GTPBP8: variants seen among roughly 807,000 people sequenced by gnomAD.
GTPBP8 encodes GTP binding protein 8.
Under a neutral mutation model 27.3 loss-of-function variants are expected in GTPBP8, and 21 were observed. The ratio of observed to expected loss-of-function variants is 0.77; its 90% CI spans 0.55 to 1.11. The LOEUF (loss-of-function observed/expected upper bound fraction) is 1.11, where lower values mean the gene tolerates loss of function less well. Among genes scored for constraint, GTPBP8 ranks in the 50% least tolerant of loss-of-function variants. The probability of loss-of-function intolerance (pLI) is 0.00; values close to 1 mark genes in which losing one functional copy is unlikely to be tolerated. For synonymous variants in GTPBP8, 147 were observed against 135.3 expected, an observed-to-expected ratio of 1.09 and a Z score of -0.60; for missense variants, 380 against 350.8, an observed-to-expected ratio of 1.08 and a Z score of -0.67.
chr3:112,997,088 C>A, intron 4 of GTPBP8, 97 bp downstream of exon 4: 1 of 656,738 alleles, frequency 1.5e-6, no homozygotes, highest in East Asian at 3.0e-5. Flanking sequence ...CTTGTGTTGC[C>A]TCAAAAGATA....
At chr3:112,996,670 T>A (rs930313780) in intron 3 of GTPBP8, among the ~76,000 whole-genome samples, 5 of 152,322 alleles carry the variant, frequency 3.3e-5, no homozygotes, top group Admixed American at 3.3e-4. Context: ...TGATTTAAAT[T>A]AATATTTAGT....
chr3:112,999,554 T>C lies in GTPBP8; in HGVS notation c.775T>C (p.Phe259Leu), dbSNP rs752164333. ...AACTCAAGGATGTTTTCCTCAGTTG[T>C]TTCCTGTAAGGTAAGAGTTGAATTG... ...MKTQGCFPQL[F>L]PVSAVTFSGI... is the part of the protein sequence containing the mutation. Residue 259 changes from phenylalanine (F) to leucine (L), a missense_variant, in exon 5 of 6, where the codon TTT (phenylalanine) becomes CTT (leucine). Coordinates refer to ENST00000383678, the MANE Select transcript of GTPBP8 (RefSeq NM_014170.4). 3.8e-6 allele frequency: 5 copies of C among 1,304,838 alleles called. No individual in the cohort carries two copies. In the Middle Eastern group the frequency reaches 7.6e-4, roughly 197 times the overall value. 80.8% of individuals were successfully genotyped at this position (1,304,838 alleles called of 1,614,324 possible). A position where few individuals can be genotyped will look rare whatever the true frequency, so the allele number is the denominator to read the frequency against.
rs755758008 is a variant in GTPBP8, at chr3:112,991,325, C to T, written c.326C>T (p.Pro109Leu). 6.2e-7 allele frequency: 1 copy of T among 1,613,590 alleles called. No homozygotes were observed. The highest frequency in any genetic ancestry group is 8.5e-7 in the Non-Finnish European group (1 of 1,180,010). Reference sequence around the variant, plus strand: ...CGTATCGACCACGCCCCGGACCTTCCGCGGCCAGAGGTGAGAGGCGATTCT... The same window carrying T: ...CGTATCGACCACGCCCCGGACCTTCTGCGGCCAGAGGTGAGAGGCGATTCT... The part of the protein sequence containing the change: ...AVRIDHAPDL[P>L]RPEVCFIGRS... The change falls in exon 1 of 6, where the codon CCG (proline) becomes CTG (leucine). Residue 109 changes from proline (P) to leucine (L), a missense_variant. Pro to Leu is a moderately conservative substitution (Grantham distance 98). Transcript: ENST00000383678.
intron 1 of GTPBP8, chr3:112,991,548 A>G (rs1459445926): frequency 4.3e-6 from 3 of 698,634 alleles, no homozygotes; most frequent in Middle Eastern, 2.3e-4. Context: ...GTCAATACCC[A>G]TAAACCCATG....
chr3:112,998,464 GGAAACCTACCTGT>G (rs1386954399), intron 4 of GTPBP8, among the ~76,000 whole-genome samples: 1 of 152,010 alleles, frequency 6.6e-6, no homozygotes, highest in Non-Finnish European at 1.5e-5. Flanking sequence ...GCCACCCTTT[GGAAACCTACCTGT>G]GTTCAGCTAT....
rs377275406 is a variant in GTPBP8 at position 112,999,439 on chromosome 3, C to G, written c.667-7C>G. ...TTTCTAATGCATAAAAATTTGTTTT[C>G]TTATAGATTGTATTAACAAAAATTG... On this transcript the variant is annotated splice_polypyrimidine_tract_variant and splice_region_variant and intron_variant, in intron 4 of 5. Transcript: ENST00000383678. The G allele has an allele frequency of 4.5e-6, 5 of 1,108,750 alleles. No individual in the cohort carries two copies. In the African/African-American group the frequency reaches 7.9e-5, roughly 18 times the overall value. The allele number at this position is 1,108,750 out of a possible 1,614,324, so 68.7% of individuals were successfully genotyped here.
chr3:112,991,519 T>C, intron 1 of GTPBP8, 184 bp downstream of exon 1: 1 of 714,634 alleles, frequency 1.4e-6, no homozygotes, highest in Non-Finnish European at 2.5e-6. Context: ...GAGAAACCCA[T>C]TGTTAAGTAC....
At chr3:112,991,377 C>G in intron 1 of GTPBP8, 42 bp downstream of exon 1, 1 of 1,568,092 alleles carries the variant, frequency 6.4e-7, no homozygotes, top group Non-Finnish European at 8.8e-7. Flanking sequence ...GCCGGCGTCA[C>G]AGCGCTAACC....
intron 2 of GTPBP8, among the ~76,000 whole-genome samples, chr3:112,993,575 C>A (rs1167910533): frequency 2.0e-5 from 3 of 152,154 alleles, no homozygotes; most frequent in African/African-American, 7.2e-5. Context: ...AGCCAGTCTG[C>A]TGTAATAGCT....
intron 4 of GTPBP8, among the ~76,000 whole-genome samples, chr3:112,997,313 A>G (rs1933805418): frequency 6.6e-6 from 1 of 152,226 alleles, no homozygotes; most frequent in Non-Finnish European, 1.5e-5. Context: ...AGAAAAAGTT[A>G]GTAGCTCTTT....
chr3:112,999,602 A>C lies in GTPBP8; in HGVS notation c.785+38A>C, dbSNP rs371401969. ...TTGTTTTGTTTTTTGTTTTTTATGA[A>C]GTAATCTTGAGAATGTTGTGGGTTT... On this transcript the variant is annotated intron_variant, in intron 5 of 5. Coordinates refer to ENST00000383678, the MANE Select transcript of GTPBP8 (RefSeq NM_014170.4). The C allele has an allele frequency of 1.1e-4, 86 of 806,498 alleles. No individual in the cohort carries two copies. The African/African-American group carries it at 1.4e-3, about 13-fold the overall frequency. The allele number at this position is 806,498 out of a possible 1,614,324, so 50.0% of individuals were successfully genotyped here.
intron 2 of GTPBP8, 106 bp downstream of exon 2, chr3:112,993,230 A>C: frequency 1.6e-6 from 1 of 640,774 alleles, no homozygotes; most frequent in Admixed American, 2.9e-5. Context: ...TTCCTAGAGA[A>C]GTGATTTCTT....
chr3:112,991,431 T>C (rs761975797), intron 1 of GTPBP8, 96 bp downstream of exon 1: 7 of 1,087,542 alleles, frequency 6.4e-6, no homozygotes, highest in Non-Finnish European at 9.8e-6. Flanking sequence ...GCGGTTGTAT[T>C]TTCTAGCTTT....
At position 113,001,074 on chromosome 3, in the gene GTPBP8, A is replaced by G. The variant is rs1024355252; in HGVS notation, c.*155A>G. 3 of 561,026 alleles carry G rather than the reference A, an allele frequency of 5.3e-6. No homozygotes were observed. The highest frequency in any genetic ancestry group is 9.4e-6 in the Non-Finnish European group (3 of 318,728). 34.8% of individuals were successfully genotyped at this position (561,026 alleles called of 1,614,324 possible). On this transcript the variant is annotated 3_prime_UTR_variant, in exon 6 of 6. Coordinates refer to ENST00000383678, the MANE Select transcript of GTPBP8 (RefSeq NM_014170.4). ...GCTTTAAAACCTGTGCCTTCTCGAA[A>G]CAAGAATTTGTGCCTGAGGTGAAAA...
chr3:112,996,799 C>A, intron 3 of GTPBP8, 93 bp from the exon 4 acceptor site: 1 of 668,922 alleles, frequency 1.5e-6, no homozygotes, highest in East Asian at 2.8e-5. Context: ...GAGAATTATT[C>A]AAAGAAGAAT....
chr3:112,994,338 G>A (rs1194326416), intron 2 of GTPBP8, among the ~76,000 whole-genome samples: 4 of 151,388 alleles, frequency 2.6e-5, no homozygotes, highest in Non-Finnish European at 1.5e-5. Flanking sequence ...CAAGAGAATC[G>A]CTTGAACCCA....
chr3:112,996,993 T>C lies in GTPBP8; in HGVS notation c.666+2T>C, dbSNP rs559803137. ...GAAGAATTTGCATTACCTTATGTGG[T>C]AAGTACTTCCTTTGAATCATGGTTG... On this transcript the variant is annotated splice_donor_variant, in intron 4 of 5. Transcript: ENST00000383678. LOFTEE classifies it high-confidence loss of function. The C allele has an allele frequency of 1.5e-6, 2 of 1,323,670 alleles. No homozygotes were observed. The highest frequency in any genetic ancestry group is 2.2e-6 in the Non-Finnish European group (2 of 917,448). The allele number at this position is 1,323,670 out of a possible 1,614,324, so 82.0% of individuals were successfully genotyped here.
intron 2 of GTPBP8, among the ~76,000 whole-genome samples, chr3:112,993,449 G>A (rs1050997824): frequency 3.9e-5 from 6 of 152,030 alleles, no homozygotes; most frequent in South Asian, 2.1e-4. Context: ...CTGATTGTAC[G>A]GTAAATGGCT....
In GTPBP8 at chr3:112,993,137, T is replaced by C; in HGVS notation, c.435+13T>C. ...CTCCAAAAAACCAGTATGTTGAAGT[T>C]TTTAAATATGTTTGGACTATCTCTT... On this transcript the variant is annotated intron_variant, in intron 2 of 5. Coordinates refer to ENST00000383678, the MANE Select transcript of GTPBP8 (RefSeq NM_014170.4). The C allele has an allele frequency of 7.4e-7, 1 of 1,356,000 alleles. No individual in the cohort carries two copies. The highest frequency in any genetic ancestry group is 1.1e-6 in the Non-Finnish European group (1 of 947,440). The allele number at this position is 1,356,000 out of a possible 1,614,324, so 84.0% of individuals were successfully genotyped here. A position where few individuals can be genotyped will look rare whatever the true frequency, so the allele number is the denominator to read the frequency against.
Sources: allele counts gnomAD v4.1 joint callset (sites outside exome capture counted in the v4.1 genomes callset), GRCh38; gene constraint gnomAD v4.1.1; transcripts MANE v1.5; gene names NCBI Gene and HGNC (gene_info 2026-07-23, HGNC 2026-07-21).